KANK1: variants seen among roughly 807,000 people sequenced by gnomAD.
KANK1 encodes KN motif and ankyrin repeat domains 1, also known as KN motif and ankyrin repeat domain-containing protein 1.
KANK1 carries 109 observed loss-of-function variants against 106.2 expected under a neutral mutation model. The ratio of observed to expected loss-of-function variants is 1.03; its 90% confidence interval spans 0.88 to 1.20. The LOEUF (loss-of-function observed/expected upper bound fraction) is 1.20. Among genes scored for constraint, KANK1 ranks in the 50% most tolerant of loss-of-function variants. The pLI is 0.00. For synonymous variants in KANK1, 873 were observed against 652.2 expected (o/e 1.34, Z -5.16); for missense variants, 2,399 against 1,710.7 (o/e 1.40, Z -7.10).
chr9:661,602 T>C (rs1843328010), intron 1 of KANK1, among the ~76,000 whole-genome samples: 1 of 151,918 alleles, frequency 6.6e-6, no homozygotes, highest in Non-Finnish European at 1.5e-5. Context: ...CATGTGTCTT[T>C]ATAGCAGCAT....
At chr9:675,381 A>T (rs1816188840) in intron 1 of KANK1, among the ~76,000 whole-genome samples, 1 of 152,178 alleles carries the variant, frequency 6.6e-6, no homozygotes, top group Admixed American at 6.5e-5. Context: ...TTCTGATTTC[A>T]TGGGTCTAGA....
At chr9:667,162 G>A (rs1844825694) in intron 1 of KANK1, among the ~76,000 whole-genome samples, 1 of 151,288 alleles carries the variant, frequency 6.6e-6, no homozygotes, top group Non-Finnish European at 1.5e-5. Context: ...CTTTCTTCGT[G>A]GTTCAATTTT....
upstream of KANK1, among the ~76,000 whole-genome samples, chr9:501,549 C>G (rs773400177): frequency 2.6e-5 from 4 of 151,728 alleles, no homozygotes; most frequent in Non-Finnish European, 4.4e-5. Flanking sequence ...AAATCTATTC[C>G]AAGAAGCCCA....
intron 3 of KANK1, among the ~76,000 whole-genome samples, chr9:721,155 G>C (rs988753789): frequency 1.3e-5 from 2 of 152,122 alleles, no homozygotes; most frequent in Non-Finnish European, 2.9e-5. Context: ...TTGATCTTTA[G>C]AGCCAATGGA....
chr9:697,076 CTGTGTGTGTGTGTG>C (rs3028272), intron 2 of KANK1, among the ~76,000 whole-genome samples: 4 of 151,042 alleles, frequency 2.6e-5, no homozygotes, highest in Non-Finnish European at 4.4e-5. Context: ...TTTGTTCCAT[CTGTGTGTGTGTGTG>C]TGTGTGTGTG....
At chr9:483,571 A>T (rs2058243917) in intron 3 of KANK1, among the ~76,000 whole-genome samples, 1 of 152,236 alleles carries the variant, frequency 6.6e-6, no homozygotes, top group Non-Finnish European at 1.5e-5. Context: ...TGTACTTTAT[A>T]GCACTGATGC....
At chr9:597,799 G>C (rs1429043553) in intron 1 of KANK1, among the ~76,000 whole-genome samples, 2 of 151,556 alleles carry the variant, frequency 1.3e-5, no homozygotes, top group Admixed American at 6.6e-5. Flanking sequence ...GGGTAGCTGG[G>C]ATTACAGGCA....
intron 3 of KANK1, among the ~76,000 whole-genome samples, chr9:483,885 A>G (rs906453103): frequency 6.6e-6 from 1 of 152,196 alleles, no homozygotes; most frequent in Non-Finnish European, 1.5e-5. Context: ...ATAAGCTATC[A>G]GGGCTATTTA....
chr9:694,538 G>C (rs1411929040), intron 2 of KANK1, among the ~76,000 whole-genome samples: 3 of 152,162 alleles, frequency 2.0e-5, no homozygotes, highest in African/African-American at 4.8e-5. Context: ...GCTGTTTTGA[G>C]ACAGATTTGG....
chr9:603,367 C>A (rs574032492), intron 1 of KANK1, among the ~76,000 whole-genome samples: 4 of 151,950 alleles, frequency 2.6e-5, no homozygotes, highest in African/African-American at 9.7e-5. Context: ...GCAATAAGAA[C>A]TTGAAGTAGC....
At chr9:605,829 T>G (rs1401623796) in intron 1 of KANK1, among the ~76,000 whole-genome samples, 1 of 151,506 alleles carries the variant, frequency 6.6e-6, no homozygotes, top group Non-Finnish European at 1.5e-5. Context: ...GTGCCCAGAT[T>G]TTATTATGGG....
intron 6 of KANK1, chr9:734,101 C>A: frequency 1.8e-5 from 2 of 109,158 alleles, no homozygotes; most frequent in Non-Finnish European, 1.7e-5. Context: ...AGAGTGAGAC[C>A]TTGTCTCAAA....
intron 3 of KANK1, among the ~76,000 whole-genome samples, chr9:479,168 A>G (rs1304892294): frequency 6.6e-6 from 1 of 152,256 alleles, no homozygotes; most frequent in Non-Finnish European, 1.5e-5. Flanking sequence ...TGCTCTTTGT[A>G]AAATTCATCA....
At chr9:562,994 G>C (rs142726092) in intron 1 of KANK1, among the ~76,000 whole-genome samples, 78 of 152,166 alleles carry the variant, frequency 5.1e-4, no homozygotes, top group African/African-American at 1.8e-3. Flanking sequence ...TTACAAGCAG[G>C]GAAGCAGATC....
At chr9:584,622 T>A (rs1446680428) in intron 1 of KANK1, among the ~76,000 whole-genome samples, 2 of 152,184 alleles carry the variant, frequency 1.3e-5, no homozygotes, top group Non-Finnish European at 2.9e-5. Context: ...AACTTAGCAT[T>A]TGAGACTTGA....
At chr9:502,454 A>G (rs991560819), upstream of KANK1, among the ~76,000 whole-genome samples, 10 of 152,182 alleles carry the variant, frequency 6.6e-5, no homozygotes, top group East Asian at 5.8e-4. Context: ...GGGCCTATCA[A>G]TGTTTACTGA....
chr9:648,545 C>G (rs1253552266), intron 1 of KANK1, among the ~76,000 whole-genome samples: 2 of 152,100 alleles, frequency 1.3e-5, no homozygotes, highest in African/African-American at 2.4e-5. Context: ...ATCCTAGGCT[C>G]TGAGCGCGAG....
intron 1 of KANK1, among the ~76,000 whole-genome samples, chr9:612,488 T>G (rs1432178538): frequency 6.6e-6 from 1 of 151,902 alleles, no homozygotes; most frequent in Non-Finnish European, 1.5e-5. Context: ...CCTTTAGGGT[T>G]TCAGTGTCAT....
At chr9:620,189 G>A (rs1380432556) in intron 1 of KANK1, among the ~76,000 whole-genome samples, 1 of 151,748 alleles carries the variant, frequency 6.6e-6, no homozygotes. Flanking sequence ...GTCTAGGCAG[G>A]CAAGAAAACT....
Sources: gnomAD v4.1 joint callset for allele counts (sites outside exome capture counted in the v4.1 genomes callset) on GRCh38, gnomAD v4.1.1 for gene constraint, MANE v1.5 for transcripts, NCBI Gene and HGNC (gene_info 2026-07-23, HGNC 2026-07-21) for gene names.